Variants in SLC16A12 observed in about 807,000 individuals in gnomAD.
SLC16A12 encodes monocarboxylate transporter 12.
SLC16A12 carries 17 observed loss-of-function variants against 42.4 expected under a neutral mutation model. The observed-to-expected ratio is 0.40, with a 90% confidence interval of 0.27 to 0.60. SLC16A12 has a LOEUF of 0.60. SLC16A12 is among the 20% of genes least tolerant of loss of function. The pLI is 0.42. For missense variants in SLC16A12, 544 were observed against 623.0 expected, an observed-to-expected ratio of 0.87 and a Z score of 1.35; for synonymous variants, 224 against 229.4, an observed-to-expected ratio of 0.98 and a Z score of 0.21.
At chr10:89,514,069 T>C (rs187964830) in intron 2 of SLC16A12, among the ~76,000 whole-genome samples, 4 of 152,324 alleles carry the variant, frequency 2.6e-5, no homozygotes, top group African/African-American at 9.6e-5. Context: ...CAGATTTTCC[T>C]AGGTACCACC....
Position 89,443,765 on chromosome 10 carries a change from T to C in SLC16A12, c.295A>G (p.Met99Val). The change falls in exon 4 of 8, where the codon ATG (methionine) becomes GTG (valine). Residue 99 changes from methionine (M) to valine (V), a missense_variant. Transcript: ENST00000371790. ...WIHSIVDCVT[M>V]LCAPLGSVVS... ...AGTAAGTAATACTCACCACAGAGCA[T>C]GGTCACACAATCTACAATGGAATGG... 1.2e-6 allele frequency: 2 copies of C among 1,612,116 alleles called. No homozygotes were observed. The highest frequency in any genetic ancestry group is 2.2e-5 in the East Asian group (1 of 44,870).
intron 2 of SLC16A12, among the ~76,000 whole-genome samples, chr10:89,487,325 A>G (rs1316127386): frequency 1.3e-5 from 2 of 152,180 alleles, no homozygotes; most frequent in Non-Finnish European, 2.9e-5. Context: ...GGCTATTACT[A>G]AAAAGTCAAA....
At chr10:89,527,813 A>C (rs749302094) in intron 2 of SLC16A12, among the ~76,000 whole-genome samples, 1 of 142,720 alleles carries the variant, frequency 7.0e-6, no homozygotes, top group Non-Finnish European at 1.5e-5. Context: ...TAAAAAAAAA[A>C]AGAGAGAGAG....
Position 89,436,244 on chromosome 10 carries a change from T to G in SLC16A12, c.1104A>C (p.Pro368=). Reference sequence around the variant, plus strand: ...CGAGCAGAGGGAGACTTTGAAGCATTGGGAGGCAGAGATAGCAGAGCCCAT... The same window carrying G: ...CGAGCAGAGGGAGACTTTGAAGCATGGGGAGGCAGAGATAGCAGAGCCCAT... The part of the protein sequence containing the change: ...GMDGLCYLCL[P]MLQSLPLLVP... Residue 368 remains proline (P), a synonymous_variant, in exon 7 of 8, where the codon CCA becomes CCC. Coordinates refer to ENST00000371790, the MANE Select transcript of SLC16A12 (RefSeq NM_213606.4). The G allele has an allele frequency of 1.2e-6, 2 of 1,614,060 alleles. No individual in the cohort carries two copies. The highest frequency in any genetic ancestry group is 1.7e-6 in the Non-Finnish European group (2 of 1,179,978).
At chr10:89,487,964 GTATATATATATATATATA>G (rs147234370) in intron 2 of SLC16A12, among the ~76,000 whole-genome samples, 2 of 126,700 alleles carry the variant, frequency 1.6e-5, no homozygotes, top group South Asian at 5.7e-4. Context: ...TGGTGTGTGT[GTATATATATATATATATA>G]TATATATATA....
At chr10:89,513,331 A>G (rs1424114653) in intron 2 of SLC16A12, among the ~76,000 whole-genome samples, 3 of 152,168 alleles carry the variant, frequency 2.0e-5, no homozygotes, top group East Asian at 1.9e-4. Context: ...GACTTCACCA[A>G]TCCCCTCTTG....
intron 2 of SLC16A12, among the ~76,000 whole-genome samples, chr10:89,512,423 G>C (rs1843177782): frequency 6.6e-6 from 1 of 152,318 alleles, no homozygotes; most frequent in South Asian, 2.1e-4. Context: ...GATGTTTGCA[G>C]AGAAGCCAAA....
At chr10:89,486,635 GAAAGAAAGAAAGAAAGAAAGAAAGAAAGA>G (rs1487345936) in intron 2 of SLC16A12, among the ~76,000 whole-genome samples, 2,370 of 49,684 alleles carry the variant, frequency 0.048, 66 homozygotes, top group Non-Finnish European at 0.067. Context: ...AAGAAAGAAA[GAAAGAAAGAAAGAAAGAAAGAAAGAAAGA>G]AAAGAAAGAA....
intron 2 of SLC16A12, among the ~76,000 whole-genome samples, chr10:89,465,929 A>G (rs980507304): frequency 6.6e-6 from 1 of 152,198 alleles, no homozygotes; most frequent in African/African-American, 2.4e-5. Flanking sequence ...TGAGGAAGAA[A>G]CAAGCCCCTC....
chr10:89,540,914 T>C (rs1390594762), intron 2 of SLC16A12, among the ~76,000 whole-genome samples: 2 of 136,174 alleles, frequency 1.5e-5, no homozygotes, highest in Non-Finnish European at 1.5e-5. Flanking sequence ...AGCAAATTTC[T>C]TTTTTTTTTT....
intron 2 of SLC16A12, among the ~76,000 whole-genome samples, chr10:89,544,534 T>C (rs905978588): frequency 6.6e-6 from 1 of 152,258 alleles, no homozygotes; most frequent in East Asian, 1.9e-4. Flanking sequence ...TTCTGAAGTA[T>C]GTATTCAGTT....
intron 2 of SLC16A12, among the ~76,000 whole-genome samples, chr10:89,543,510 G>A (rs192709362): frequency 1.3e-4 from 20 of 152,262 alleles, no homozygotes; most frequent in Non-Finnish European, 2.6e-4. Context: ...GTGTTGTGGA[G>A]GCTAATTGAG....
chr10:89,484,218 G>C (rs988222718), intron 2 of SLC16A12, among the ~76,000 whole-genome samples: 5 of 152,144 alleles, frequency 3.3e-5, no homozygotes, highest in Admixed American at 3.3e-4. Context: ...AAAGTTCTGA[G>C]AACAAACCCA....
In SLC16A12 at chr10:89,433,232, T is replaced by C; in HGVS notation, c.1383A>G (p.Arg461=). 1 of 1,614,224 alleles carries C rather than the reference T, an allele frequency of 6.2e-7. No individual in the cohort carries two copies. The highest frequency in any genetic ancestry group is 8.5e-7 in the Non-Finnish European group (1 of 1,180,042). The stretch of plus-strand genomic sequence containing the variant: ...GGGTTTTTCTCATTCTCTTTATAAG[T>C]CTAGCAAAGCCAAGCAACACAGAAC... The part of the protein sequence containing the change: ...IFSSVLLGFA[R]LIKRMRKTQL... The change falls in exon 8 of 8, where the codon AGA becomes AGG. Residue 461 remains arginine, a synonymous_variant. Coordinates refer to ENST00000371790, the MANE Select transcript of SLC16A12 (RefSeq NM_213606.4).
chr10:89,550,753 G>T (rs1285544305), intron 2 of SLC16A12, among the ~76,000 whole-genome samples: 1 of 151,852 alleles, frequency 6.6e-6, no homozygotes. Flanking sequence ...GGATGCAGAA[G>T]GCTTTGTGCT....
At chr10:89,550,261 C>G (rs889465269) in intron 2 of SLC16A12, among the ~76,000 whole-genome samples, 3 of 152,172 alleles carry the variant, frequency 2.0e-5, no homozygotes, top group African/African-American at 7.2e-5. Flanking sequence ...TGGCTCACAC[C>G]TGTAATCTCA....
chr10:89,503,565 G>A (rs892253713), intron 2 of SLC16A12, among the ~76,000 whole-genome samples: 2 of 152,208 alleles, frequency 1.3e-5, no homozygotes, highest in Non-Finnish European at 2.9e-5. Flanking sequence ...AGGGCATGGA[G>A]CATATGAATT....
intron 3 of SLC16A12, among the ~76,000 whole-genome samples, chr10:89,447,564 AC>A (rs1352832481): frequency 6.6e-6 from 1 of 152,244 alleles, no homozygotes; most frequent in Non-Finnish European, 1.5e-5. Context: ...ACCAGTGAGA[AC>A]AAAGACACAA....
chr10:89,518,937 C>T (rs565978613), intron 2 of SLC16A12, among the ~76,000 whole-genome samples: 2 of 152,154 alleles, frequency 1.3e-5, no homozygotes, highest in Admixed American at 6.5e-5. Context: ...AATATAAATA[C>T]TCAATATATA....
Sources: allele counts gnomAD v4.1 joint callset (sites outside exome capture counted in the v4.1 genomes callset), GRCh38; gene constraint gnomAD v4.1.1; transcripts MANE v1.5; gene names NCBI Gene and HGNC (gene_info 2026-07-23, HGNC 2026-07-21).